STX8: variants seen among roughly 807,000 people sequenced by gnomAD.
The protein encoded by STX8 is syntaxin-8.
Under a neutral mutation model 37.5 loss-of-function variants are expected in STX8, and 23 were observed. The observed-to-expected ratio is 0.61, with a 90% CI of 0.44 to 0.87. The LOEUF (loss-of-function observed/expected upper bound fraction) is 0.87, where lower values mean the gene tolerates loss of function less well. Ranked by LOEUF, STX8 falls within the 40% of genes least tolerant of loss-of-function variation. The pLI, the probability that STX8 is intolerant of heterozygous loss-of-function variation, is 0.00. For synonymous variants in STX8, 115 were observed against 99.1 expected (o/e 1.16, Z -0.95); for missense variants, 313 against 284.7 (o/e 1.10, Z -0.71).
chr17:9,461,975 G>A (rs926960761), intron 6 of STX8, among the ~76,000 whole-genome samples: 12 of 152,178 alleles, frequency 7.9e-5, no homozygotes, highest in East Asian at 1.9e-4. Flanking sequence ...TAACGCTGCC[G>A]CTCATCTGAC....
At chr17:9,285,830 G>A (rs2142157331) in intron 7 of STX8, among the ~76,000 whole-genome samples, 1 of 152,302 alleles carries the variant, frequency 6.6e-6, no homozygotes, top group South Asian at 2.1e-4. Flanking sequence ...ACATACAGTT[G>A]CTAAGGCACT....
At chr17:9,534,056 T>C (rs1263688401) in intron 4 of STX8, among the ~76,000 whole-genome samples, 1 of 152,090 alleles carries the variant, frequency 6.6e-6, no homozygotes, top group Admixed American at 6.6e-5. Flanking sequence ...AAGCATTTCA[T>C]TGCTCTTTAA....
intron 2 of STX8, among the ~76,000 whole-genome samples, chr17:9,566,748 C>G (rs112910471): frequency 0.015 from 2,221 of 152,032 alleles, 50 homozygotes; most frequent in African/African-American, 0.05. Context: ...GATTGCACCA[C>G]TGCACTCCAG....
At chr17:9,555,926 A>G (rs1360017662) in intron 3 of STX8, among the ~76,000 whole-genome samples, 4 of 152,032 alleles carry the variant, frequency 2.6e-5, no homozygotes, top group Admixed American at 6.6e-5. Flanking sequence ...GCTGGGCACA[A>G]TGGTGCAGTG....
rs1159782187 is a variant in STX8 at position 9,352,890 on chromosome 17, A to AT, written c.643+25661dup. Among the ~76,000 whole-genome samples, 115 of 143,320 alleles carry AT rather than the reference A, an allele frequency of 8.0e-4. 1 individual carries two copies. In the East Asian group the frequency reaches 0.013, roughly 17 times the overall value. 94.0% of individuals were successfully genotyped at this position (143,320 alleles called of 152,430 possible). ...TCTTTTTATTGCTCCAATTGCCTCC[A>AT]TTTTTTTTTTCAGACTCTTTTTTCA... On this transcript the variant is annotated intron_variant, in intron 7 of 7. Coordinates refer to ENST00000306357, the MANE Select transcript of STX8 (RefSeq NM_004853.3).
intron 6 of STX8, among the ~76,000 whole-genome samples, chr17:9,409,927 C>T (rs1912925645): frequency 1.3e-5 from 2 of 152,004 alleles, no homozygotes; most frequent in South Asian, 2.1e-4. Flanking sequence ...TAGAAACTGC[C>T]CTATGGTCAC....
At chr17:9,335,811 T>A (rs763416638) in intron 7 of STX8, among the ~76,000 whole-genome samples, 35 of 99,656 alleles carry the variant, frequency 3.5e-4, no homozygotes, top group Non-Finnish European at 5.9e-4. Context: ...GCTCTCTCTC[T>A]CTCACACACA....
At chr17:9,499,602 G>C (rs1775766535) in intron 5 of STX8, among the ~76,000 whole-genome samples, 1 of 152,178 alleles carries the variant, frequency 6.6e-6, no homozygotes, top group African/African-American at 2.4e-5. Flanking sequence ...GTTTCACCAT[G>C]TTGGCCAGGA....
In STX8 at chr17:9,410,874, A is replaced by T. The variant is rs148263371; in HGVS notation, c.542-32221T>A. ...GCAAAACTTATGTGTACAGTTTAAC[A>T]AATGATTACAAAGCAAAACCACGTA... On this transcript the variant is annotated intron_variant, in intron 6 of 7. Transcript: ENST00000306357. Among the ~76,000 whole-genome samples the T allele has an allele frequency of 6.2e-4, 95 of 152,362 alleles. 1 individual carries two copies. The East Asian group carries it at 0.015, about 23-fold the overall frequency.
intron 4 of STX8, among the ~76,000 whole-genome samples, chr17:9,541,653 A>G (rs1226268595): frequency 1.3e-5 from 2 of 152,152 alleles, no homozygotes; most frequent in Non-Finnish European, 2.9e-5. Flanking sequence ...CACCTCATCC[A>G]GCTCTTTTTA....
At chr17:9,436,181 A>G (rs1904423062) in intron 6 of STX8, among the ~76,000 whole-genome samples, 1 of 139,720 alleles carries the variant, frequency 7.2e-6, no homozygotes, top group Non-Finnish European at 1.6e-5. Flanking sequence ...TACTAAAAAT[A>G]CAAAAAAAAA....
chr17:9,318,556 C>T (rs1385544320), intron 7 of STX8, among the ~76,000 whole-genome samples: 1 of 152,096 alleles, frequency 6.6e-6, no homozygotes, highest in Non-Finnish European at 1.5e-5. Context: ...GCCCTAAAAG[C>T]TTCCAGAGTG....
intron 6 of STX8, among the ~76,000 whole-genome samples, chr17:9,419,500 T>C (rs901709794): frequency 5.3e-5 from 8 of 152,146 alleles, no homozygotes; most frequent in African/African-American, 9.7e-5. Context: ...ATGGAACCAG[T>C]TGGATCATTC....
At chr17:9,552,186 C>T (rs570046084) in intron 3 of STX8, among the ~76,000 whole-genome samples, 4 of 152,010 alleles carry the variant, frequency 2.6e-5, no homozygotes, top group South Asian at 4.2e-4. Context: ...CCCATCTCTA[C>T]AAAAAATTAG....
At chr17:9,502,827 G>A (rs1251856545) in intron 5 of STX8, among the ~76,000 whole-genome samples, 1 of 152,102 alleles carries the variant, frequency 6.6e-6, no homozygotes. Flanking sequence ...TGCAGGCCGG[G>A]CGCGGTGGCT....
intron 7 of STX8, among the ~76,000 whole-genome samples, chr17:9,289,492 T>A (rs1279246356): frequency 6.6e-6 from 1 of 150,890 alleles, no homozygotes; most frequent in East Asian, 1.9e-4. Flanking sequence ...TTATTTGATG[T>A]GCATCTGACG....
chr17:9,512,076 T>C (rs574425218), intron 4 of STX8, among the ~76,000 whole-genome samples: 119 of 152,174 alleles, frequency 7.8e-4, no homozygotes, highest in African/African-American at 2.8e-3. Context: ...AAAACACTGA[T>C]GAAAGAAATT....
At chr17:9,461,228 A>C (rs1905374644) in intron 6 of STX8, 1 of 152,112 alleles carries the variant, frequency 6.6e-6, no homozygotes, top group Non-Finnish European at 1.5e-5. Context: ...ACAGTGAACC[A>C]ATCCAAAACA....
At chr17:9,467,811 C>CA (rs1905681577) in intron 6 of STX8, among the ~76,000 whole-genome samples, 1 of 152,200 alleles carries the variant, frequency 6.6e-6, no homozygotes, top group African/African-American at 2.4e-5. Flanking sequence ...TTGTTCCAGG[C>CA]ACGTCCAGGG....
Sources: gnomAD v4.1 joint callset for allele counts (sites outside exome capture counted in the v4.1 genomes callset) on GRCh38, gnomAD v4.1.1 for gene constraint, MANE v1.5 for transcripts, NCBI Gene and HGNC (gene_info 2026-07-23, HGNC 2026-07-21) for gene names.